ZSWIM5: variants seen among roughly 807,000 people sequenced by gnomAD.
The protein encoded by ZSWIM5 is zinc finger SWIM-type containing 5.
Under a neutral mutation model 119.6 loss-of-function variants are expected in ZSWIM5, and 55 were observed. The observed-to-expected ratio is 0.46, with a 90% CI of 0.37 to 0.58. The LOEUF is 0.58. Ranked by LOEUF, ZSWIM5 falls within the 20% of genes least tolerant of loss-of-function variation. The pLI is 0.00. For missense variants in ZSWIM5, 1,193 were observed against 1,512.8 expected (o/e 0.79, Z 3.51); for synonymous variants, 537 against 606.9 (o/e 0.88, Z 1.69).
At chr1:45,183,750 A>T (rs1646037983) in intron 1 of ZSWIM5, among the ~76,000 whole-genome samples, 1 of 152,250 alleles carries the variant, frequency 6.6e-6, no homozygotes, top group South Asian at 2.1e-4. Context: ...AATTGTGGCA[A>T]TAATCAATAG....
intron 12 of ZSWIM5, 118 bp downstream of exon 12, chr1:45,020,507 C>T (rs1644881398): frequency 4.8e-6 from 6 of 1,243,926 alleles, no homozygotes; most frequent in East Asian, 4.7e-5. Context: ...AACTTGTGTT[C>T]TGGGCCCAAA....
At chr1:45,178,392 C>T (rs750032471) in intron 1 of ZSWIM5, among the ~76,000 whole-genome samples, 1 of 152,034 alleles carries the variant, frequency 6.6e-6, no homozygotes, top group Non-Finnish European at 1.5e-5. Flanking sequence ...CCACCACACT[C>T]CACCCTGGGT....
intron 1 of ZSWIM5, among the ~76,000 whole-genome samples, chr1:45,178,589 C>G (rs1645995207): frequency 6.6e-6 from 1 of 151,978 alleles, no homozygotes; most frequent in Non-Finnish European, 1.5e-5. Flanking sequence ...TATATTTGAC[C>G]ATTTTTCTGT....
At position 45,088,162 on chromosome 1, in the gene ZSWIM5, C is replaced by T. The variant is rs529363104; in HGVS notation, c.671G>A (p.Ser224Asn). The stretch of plus-strand genomic sequence containing the variant: ...TGAGGTGATTTTGCATCGATCAAAA[C>T]TGATTGCAACTTTATAAGTCACTGC... Reference protein sequence around the residue: ...EPAVTYKVAISFDRCKITSVT... With the variant: ...EPAVTYKVAINFDRCKITSVT... The change falls in exon 2 of 14, where the codon AGT (serine) becomes AAT (asparagine). Residue 224 changes from serine to asparagine, a missense_variant. Transcript: ENST00000359600. The surrounding 1 kb of genome is among the most constrained non-coding windows in gnomAD (Gnocchi z 4.2). The T allele has an allele frequency of 6.2e-7, 1 of 1,614,202 alleles. No individual in the cohort carries two copies. Among genetic ancestry groups the T allele is most frequent in the Non-Finnish European group, 8.5e-7 (1 of 1,180,042 alleles).
At chr1:45,028,781 T>A (rs1644935023) in intron 11 of ZSWIM5, among the ~76,000 whole-genome samples, 1 of 151,196 alleles carries the variant, frequency 6.6e-6, no homozygotes, top group African/African-American at 2.4e-5. Flanking sequence ...AAAAAATAAA[T>A]AAAAATAATA....
At chr1:45,203,506 A>T (rs1040670678) in intron 1 of ZSWIM5, among the ~76,000 whole-genome samples, 6 of 152,062 alleles carry the variant, frequency 3.9e-5, no homozygotes, top group African/African-American at 1.4e-4. Context: ...ATCGTTTAGA[A>T]ACAGTAAGGA....
At chr1:45,128,535 A>G (rs1645635549) in intron 1 of ZSWIM5, among the ~76,000 whole-genome samples, 1 of 152,188 alleles carries the variant, frequency 6.6e-6, no homozygotes, top group African/African-American at 2.4e-5. Flanking sequence ...TATAGTAATT[A>G]AAACTATGTA....
At chr1:45,138,873 T>C (rs893563660) in intron 1 of ZSWIM5, among the ~76,000 whole-genome samples, 3 of 151,708 alleles carry the variant, frequency 2.0e-5, no homozygotes, top group Non-Finnish European at 4.4e-5. Flanking sequence ...TAGTAGAAAT[T>C]TCGTTTTTCT....
chr1:45,040,710 C>T (rs1409228859), intron 6 of ZSWIM5, among the ~76,000 whole-genome samples, 172 bp from the exon 7 acceptor site: 1 of 152,190 alleles, frequency 6.6e-6, no homozygotes, highest in African/African-American at 2.4e-5. Flanking sequence ...GAATAAATCA[C>T]AGGTGATATC....
rs550852073 is a variant in ZSWIM5 at position 45,176,841 on chromosome 1, C to A, written c.595+28915G>T. 2.7e-4 allele frequency among the ~76,000 whole-genome samples: 41 copies of A among 152,110 alleles called. 1 individual carries two copies. Among genetic ancestry groups the A allele is most frequent in the African/African-American group, 9.9e-4 (41 of 41,510 alleles). ...CCCCTATACAAAAGTCATCCTCAAC[C>A]CTTTCAGACTCTGACATCTCAAATT... On this transcript the variant is annotated intron_variant, in intron 1 of 13. Coordinates refer to ENST00000359600, the MANE Select transcript of ZSWIM5 (RefSeq NM_020883.2).
rs534396669 is a variant in ZSWIM5, at chr1:45,018,983, C to T, written c.3029G>A (p.Arg1010His). The T allele has an allele frequency of 1.8e-5, 29 of 1,614,204 alleles. No individual in the cohort carries two copies. In the Admixed American group the frequency reaches 1.8e-4, roughly 10 times the overall value. Residue 1010 changes from arginine (R) to histidine (H), a missense_variant, in exon 14 of 14, where the codon CGT becomes CAT. By Grantham distance (29) the Arg-to-His change is conservative (BLOSUM62 0). Transcript: ENST00000359600. The surrounding 1 kb of genome is among the most constrained non-coding windows in gnomAD (Gnocchi z 6.7). ...CTTGAAGGCACGTAGCGGGTAGCCA[C>T]GGAGCTCCATGTAGCGGGCGATGGT... ...LFTIARYMELRGYPLRAFKLA... is the reference protein window; with the variant it reads ...LFTIARYMELHGYPLRAFKLA...
rs199884737 is a variant in ZSWIM5, at chr1:45,036,154, G to A, written c.2040C>T (p.Tyr680=). The A allele has an allele frequency of 5.0e-6, 8 of 1,613,988 alleles. No homozygotes were observed. The highest frequency in any genetic ancestry group is 2.2e-5 in the East Asian group (1 of 44,880). Residue 680 remains tyrosine, a synonymous_variant, in exon 9 of 14, where the codon TAC becomes TAT. Transcript: ENST00000359600. ...CATTACGGCATACCTTGTCCTGTGC[G>A]TAGAGGCCTTCAGGCATTAACCTCT... ...GQQRLMPEGL[Y]AQDKVCRNEE...
chr1:45,097,159 G>A (rs556186097), intron 1 of ZSWIM5, among the ~76,000 whole-genome samples: 1 of 152,286 alleles, frequency 6.6e-6, no homozygotes, highest in Admixed American at 6.5e-5. Flanking sequence ...CTGAGGACAC[G>A]GGAATTGACT....
At chr1:45,195,985 A>AAT (rs1646119715) in intron 1 of ZSWIM5, among the ~76,000 whole-genome samples, 1 of 146,894 alleles carries the variant, frequency 6.8e-6, no homozygotes, top group African/African-American at 2.5e-5. Flanking sequence ...CTCCCACCTC[A>AAT]GCCTCCCAAG....
intron 1 of ZSWIM5, among the ~76,000 whole-genome samples, chr1:45,169,480 G>A (rs532531303): frequency 6.6e-6 from 1 of 152,104 alleles, no homozygotes; most frequent in East Asian, 1.9e-4. Flanking sequence ...AGGAGCTAGT[G>A]ACACAGTTGG....
intron 11 of ZSWIM5, among the ~76,000 whole-genome samples, chr1:45,023,504 C>CTT (rs34813125): frequency 0.01 from 1,448 of 139,120 alleles, 9 homozygotes; most frequent in Middle Eastern, 0.019. Context: ...TTCCATGTCT[C>CTT]TTTTTTTTTT....
chr1:45,183,101 A>G (rs1259578339), intron 1 of ZSWIM5, among the ~76,000 whole-genome samples: 1 of 152,208 alleles, frequency 6.6e-6, no homozygotes, highest in Non-Finnish European at 1.5e-5. Flanking sequence ...AACTCACTCA[A>G]GTCCGCTCAA....
chr1:45,119,739 A>C (rs1372717374), intron 1 of ZSWIM5, among the ~76,000 whole-genome samples: 1 of 152,126 alleles, frequency 6.6e-6, no homozygotes, highest in Non-Finnish European at 1.5e-5. Flanking sequence ...TTGTCTTATG[A>C]TTATCATTTA....
At chr1:45,065,162 A>G (rs1645175797) in intron 2 of ZSWIM5, among the ~76,000 whole-genome samples, 1 of 152,246 alleles carries the variant, frequency 6.6e-6, no homozygotes, top group South Asian at 2.1e-4. Flanking sequence ...TCTGGTTTTC[A>G]GGAGATCCAT....
Sources: allele counts gnomAD v4.1 joint callset (sites outside exome capture counted in the v4.1 genomes callset), GRCh38; gene constraint gnomAD v4.1.1; non-coding constraint Gnocchi (gnomAD v3.1); transcripts MANE v1.5; gene names NCBI Gene and HGNC (gene_info 2026-07-23, HGNC 2026-07-21).